The following CLYBL variants were observed in gnomAD, a reference collection of about 807,000 sequenced individuals.
The protein encoded by CLYBL is citramalyl-CoA lyase, mitochondrial.
In CLYBL, 31 loss-of-function variants were observed where a neutral mutation model predicts 38.9. That is an observed-to-expected ratio of 0.80 (90% CI 0.60 to 1.08). The LOEUF (loss-of-function observed/expected upper bound fraction) is 1.08. Ranked by LOEUF, CLYBL falls within the 50% of genes least tolerant of loss-of-function variation. The pLI, the probability that CLYBL is intolerant of heterozygous loss-of-function variation, is 0.00. For synonymous variants in CLYBL, 171 were observed against 158.6 expected (o/e 1.08, Z -0.59); for missense variants, 434 against 411.6 (o/e 1.05, Z -0.47).
At chr13:99,775,560 G>A (rs1487973978) in intron 2 of CLYBL, among the ~76,000 whole-genome samples, 4 of 151,962 alleles carry the variant, frequency 2.6e-5, no homozygotes, top group Admixed American at 1.3e-4. Flanking sequence ...CCAGGCTGGG[G>A]TGCAGTGGTG....
At chr13:99,608,847 CTTTTTTTTTTTTTTTT>C (rs57961216) in intron 1 of CLYBL, among the ~76,000 whole-genome samples, 18 of 87,874 alleles carry the variant, frequency 2.0e-4, no homozygotes, top group African/African-American at 4.4e-4. Context: ...AGTGATGAGT[CTTTTTTTTTTTTTTTT>C]TTTTTTTTTT....
At chr13:99,698,581 A>AT (rs1173671872) in intron 1 of CLYBL, among the ~76,000 whole-genome samples, 1 of 152,162 alleles carries the variant, frequency 6.6e-6, no homozygotes, top group Non-Finnish European at 1.5e-5. Context: ...ATGTTAAGTA[A>AT]TTTTATTAAC....
At chr13:99,866,693 G>A (rs1338641540) in intron 6 of CLYBL, among the ~76,000 whole-genome samples, 1 of 149,446 alleles carries the variant, frequency 6.7e-6, no homozygotes, top group African/African-American at 2.5e-5. Context: ...TGGCTGACCT[G>A]TAGGGAGGGA....
At chr13:99,678,502 T>TTA in intron 1 of CLYBL, among the ~76,000 whole-genome samples, 1 of 152,358 alleles carries the variant, frequency 6.6e-6, no homozygotes, top group Admixed American at 6.5e-5. Flanking sequence ...AAAAGTGTAA[T>TTA]TAATGGGAAA....
intron 2 of CLYBL, among the ~76,000 whole-genome samples, chr13:99,825,496 T>C (rs2050677540): frequency 6.6e-6 from 1 of 152,198 alleles, no homozygotes; most frequent in African/African-American, 2.4e-5. Flanking sequence ...TTTGGCTTAG[T>C]CCCCTTTTTT....
intron 1 of CLYBL, among the ~76,000 whole-genome samples, chr13:99,722,700 G>C (rs750269865): frequency 1.3e-5 from 2 of 152,180 alleles, no homozygotes; most frequent in Non-Finnish European, 2.9e-5. Context: ...GAGGTTATAC[G>C]TAGAGAGTTC....
intron 2 of CLYBL, among the ~76,000 whole-genome samples, chr13:99,773,269 G>A (rs530014830): frequency 1.3e-5 from 2 of 152,274 alleles, no homozygotes; most frequent in South Asian, 4.1e-4. Flanking sequence ...ATAAAAAGAT[G>A]GACAATCAAT....
At chr13:99,659,200 CTATG>C (rs1339417066) in intron 1 of CLYBL, among the ~76,000 whole-genome samples, 1 of 150,578 alleles carries the variant, frequency 6.6e-6, no homozygotes, top group Non-Finnish European at 1.5e-5. Context: ...ATCCTCTAAG[CTATG>C]TGTGTGTGTG....
At chr13:99,607,673 C>T (rs942076168) in intron 1 of CLYBL, among the ~76,000 whole-genome samples, 6 of 152,174 alleles carry the variant, frequency 3.9e-5, no homozygotes, top group Non-Finnish European at 7.3e-5. Context: ...TTCTCAAAGC[C>T]CTATGACCAG....
At chr13:99,873,144 G>T (rs1185928968) in intron 7 of CLYBL, among the ~76,000 whole-genome samples, 1 of 152,108 alleles carries the variant, frequency 6.6e-6, no homozygotes, top group Non-Finnish European at 1.5e-5. Flanking sequence ...CAGCAAGGTT[G>T]AAATGATTCA....
rs1159285082 is a variant in CLYBL at position 99,644,217 on chromosome 13, G to GTGTA, written c.62+37466_62+37469dup. Reference sequence around the variant, plus strand: ...TATATGTGGTGTATGTGTATATGTGGTGTATGTATATGTGGTGTATGTATG... The same window carrying GTGTA: ...TATATGTGGTGTATGTGTATATGTGGTGTATGTATGTATATGTGGTGTATGTATG... On this transcript the variant is annotated intron_variant, in intron 1 of 8. Coordinates refer to ENST00000339105, the MANE Select transcript of CLYBL (RefSeq NM_206808.5). Among the ~76,000 whole-genome samples, 8 of 141,638 alleles carry GTGTA rather than the reference G, an allele frequency of 5.6e-5. No homozygotes were observed. In the South Asian group the frequency reaches 1.2e-3, roughly 22 times the overall value. The allele number at this position is 141,638 out of a possible 152,430, so 92.9% of individuals were successfully genotyped here. A position where few individuals can be genotyped will look rare whatever the true frequency, so the allele number is the denominator to read the frequency against.
intron 1 of CLYBL, among the ~76,000 whole-genome samples, chr13:99,679,646 C>T (rs1212020705): frequency 6.6e-6 from 1 of 151,770 alleles, no homozygotes; most frequent in Non-Finnish European, 1.5e-5. Context: ...CTGCAAATGA[C>T]ACATCTGTCC....
At chr13:99,877,571 C>CT (rs561372911) in intron 7 of CLYBL, 31,967 of 210,994 alleles carry the variant, frequency 0.15, 2,582 homozygotes, top group African/African-American at 0.2. Flanking sequence ...TTTTGTAATT[C>CT]TTTTTTTTTT....
intron 2 of CLYBL, among the ~76,000 whole-genome samples, chr13:99,814,477 C>T (rs181130348): frequency 6.6e-6 from 1 of 152,216 alleles, no homozygotes; most frequent in Admixed American, 6.5e-5. Context: ...AATTCCTGCA[C>T]TTTGGGAGGC....
intron 2 of CLYBL, among the ~76,000 whole-genome samples, chr13:99,815,536 G>T (rs1392297289): frequency 6.6e-6 from 1 of 152,144 alleles, no homozygotes; most frequent in Non-Finnish European, 1.5e-5. Context: ...AGTGGGCGAT[G>T]ATGGCGCCAC....
rs759290602 is a variant in CLYBL, at chr13:99,606,733, C to G, written c.38C>G (p.Ala13Gly). The change falls in exon 1 of 9, where the codon GCT becomes GGT. Residue 13 changes from alanine to glycine, a missense_variant. Coordinates refer to ENST00000339105, the MANE Select transcript of CLYBL (RefSeq NM_206808.5). The stretch of plus-strand genomic sequence containing the variant: ...CTGCTGCGGAGGGCGGCGCGCGGAG[C>G]TGCGGCGGCGGCGCTGCTGAGGCTG... Reference protein sequence around the residue: ...LRLLRRAARGAAAAALLRLKA... With the variant: ...LRLLRRAARGGAAAALLRLKA... 6.7e-7 allele frequency: 1 copy of G among 1,487,640 alleles called. No homozygotes were observed. The highest frequency in any genetic ancestry group is 8.9e-7 in the Non-Finnish European group (1 of 1,125,096). 92.2% of individuals were successfully genotyped at this position (1,487,640 alleles called of 1,614,324 possible).
intron 1 of CLYBL, among the ~76,000 whole-genome samples, chr13:99,650,822 C>T (rs1409874995): frequency 6.6e-6 from 1 of 152,142 alleles, no homozygotes. Context: ...TCATTGCGCT[C>T]CTCTCCACAA....
At chr13:99,789,410 T>C (rs1176955622) in intron 2 of CLYBL, among the ~76,000 whole-genome samples, 1 of 152,234 alleles carries the variant, frequency 6.6e-6, no homozygotes, top group Non-Finnish European at 1.5e-5. Context: ...TTTGTTCTCA[T>C]TGGTTTCAAA....
chr13:99,872,210 C>T (rs2051922963), intron 7 of CLYBL, among the ~76,000 whole-genome samples: 1 of 152,140 alleles, frequency 6.6e-6, no homozygotes, highest in African/African-American at 2.4e-5. Flanking sequence ...CCAGCAGGCT[C>T]ATCTTTGTAC....
Sources: allele counts gnomAD v4.1 joint callset (sites outside exome capture counted in the v4.1 genomes callset), GRCh38; gene constraint gnomAD v4.1.1; transcripts MANE v1.5; gene names NCBI Gene and HGNC (gene_info 2026-07-23, HGNC 2026-07-21).